Variants in MACROD2 observed in about 807,000 individuals in gnomAD.
The protein encoded by MACROD2 is ADP-ribose glycohydrolase MACROD2.
Under a neutral mutation model 70.4 loss-of-function variants are expected in MACROD2, and 36 were observed. The observed-to-expected ratio is 0.51, with a 90% CI of 0.39 to 0.68. The LOEUF is 0.68. MACROD2 is among the 30% of genes least tolerant of loss of function. The pLI, the probability that MACROD2 is intolerant of heterozygous loss-of-function variation, is 0.00. For missense variants in MACROD2, 496 were observed against 538.4 expected (o/e 0.92, Z 0.78); for synonymous variants, 172 against 178.8 (o/e 0.96, Z 0.30).
intron 5 of MACROD2, among the ~76,000 whole-genome samples, chr20:14,830,538 A>C (rs900457442): frequency 1.3e-4 from 20 of 152,172 alleles, no homozygotes; most frequent in Non-Finnish European, 2.2e-4. Flanking sequence ...TCAAACTGGA[A>C]GAAATATCTG....
intron 5 of MACROD2, among the ~76,000 whole-genome samples, chr20:15,179,624 G>A (rs746159254): frequency 1.6e-4 from 25 of 152,122 alleles, no homozygotes; most frequent in African/African-American, 3.9e-4. Context: ...AACAGCCTAC[G>A]GTGCATCCAG....
At chr20:14,402,489 TA>T (rs2122840284) in intron 3 of MACROD2, among the ~76,000 whole-genome samples, 1 of 152,140 alleles carries the variant, frequency 6.6e-6, no homozygotes, top group African/African-American at 2.4e-5. Context: ...GTTCACATCA[TA>T]GGGGAAATGT....
intron 5 of MACROD2, among the ~76,000 whole-genome samples, chr20:14,971,652 G>GA (rs2074692621): frequency 6.6e-6 from 1 of 151,896 alleles, no homozygotes; most frequent in Non-Finnish European, 1.5e-5. Context: ...TAGGCTGCTG[G>GA]GGCTTGAGTC....
At chr20:15,210,114 T>A (rs1390361212) in intron 5 of MACROD2, among the ~76,000 whole-genome samples, 2 of 152,234 alleles carry the variant, frequency 1.3e-5, no homozygotes, top group Non-Finnish European at 2.9e-5. Context: ...TCCACGTACA[T>A]TTTCACTGCT....
intron 3 of MACROD2, among the ~76,000 whole-genome samples, chr20:14,130,563 A>T (rs1239322816): frequency 6.6e-6 from 1 of 152,116 alleles, no homozygotes; most frequent in Non-Finnish European, 1.5e-5. Flanking sequence ...GAAAGAAAGA[A>T]AAAGAAAATA....
At chr20:14,828,144 A>G (rs754162078) in intron 5 of MACROD2, among the ~76,000 whole-genome samples, 3 of 152,090 alleles carry the variant, frequency 2.0e-5, no homozygotes, top group Non-Finnish European at 4.4e-5. Flanking sequence ...TTTCTTCTGT[A>G]TATGTATACA....
At chr20:15,018,009 T>C (rs2075134883) in intron 5 of MACROD2, among the ~76,000 whole-genome samples, 1 of 152,204 alleles carries the variant, frequency 6.6e-6, no homozygotes, top group Non-Finnish European at 1.5e-5. Context: ...GGAAATAATA[T>C]TAGGCTCCTT....
At chr20:15,397,891 A>G (rs1439942827) in intron 6 of MACROD2, among the ~76,000 whole-genome samples, 2 of 152,194 alleles carry the variant, frequency 1.3e-5, no homozygotes, top group Non-Finnish European at 2.9e-5. Flanking sequence ...GCAGAGAGAT[A>G]TTATATAAAC....
intron 8 of MACROD2, among the ~76,000 whole-genome samples, chr20:15,577,740 C>A (rs948637571): frequency 6.6e-6 from 1 of 152,140 alleles, no homozygotes; most frequent in African/African-American, 2.4e-5. Flanking sequence ...CTTATATCTG[C>A]AATACTTTTC....
At chr20:15,601,879 C>T (rs891800533) in intron 8 of MACROD2, among the ~76,000 whole-genome samples, 11 of 152,020 alleles carry the variant, frequency 7.2e-5, no homozygotes, top group African/African-American at 2.7e-4. Context: ...ATACAAAAAA[C>T]TAGCCGGGTG....
intron 5 of MACROD2, among the ~76,000 whole-genome samples, chr20:14,703,602 C>G (rs531927063): frequency 6.6e-6 from 1 of 152,174 alleles, no homozygotes; most frequent in African/African-American, 2.4e-5. Flanking sequence ...GTAATCCTAG[C>G]GACTAGGGAG....
intron 8 of MACROD2, among the ~76,000 whole-genome samples, chr20:15,765,993 G>T (rs1013105567): frequency 6.6e-6 from 1 of 152,194 alleles, no homozygotes; most frequent in Admixed American, 6.5e-5. Flanking sequence ...TCAGGGATGT[G>T]AGAAGAAGAA....
At chr20:14,198,318 G>C (rs1045168270) in intron 3 of MACROD2, among the ~76,000 whole-genome samples, 1 of 152,142 alleles carries the variant, frequency 6.6e-6, no homozygotes, top group Admixed American at 6.5e-5. Flanking sequence ...TTTTATAGGA[G>C]TAAACAATGG....
chr20:14,931,784 G>T (rs2074297835), intron 5 of MACROD2, among the ~76,000 whole-genome samples: 1 of 151,556 alleles, frequency 6.6e-6, no homozygotes, highest in East Asian at 1.9e-4. Context: ...GATCGCTTGA[G>T]GCTATGAGTT....
At chr20:14,280,614 G>A (rs2082299079) in intron 3 of MACROD2, among the ~76,000 whole-genome samples, 1 of 152,192 alleles carries the variant, frequency 6.6e-6, no homozygotes, top group Admixed American at 6.5e-5. Context: ...GGCACATTTA[G>A]CCCATTTAGG....
chr20:15,341,789 G>T (rs766542953), intron 6 of MACROD2, among the ~76,000 whole-genome samples: 5 of 152,180 alleles, frequency 3.3e-5, no homozygotes, highest in Non-Finnish European at 5.9e-5. Flanking sequence ...GGTGGCTCAT[G>T]CCTGTAATCC....
intron 3 of MACROD2, among the ~76,000 whole-genome samples, chr20:14,443,748 A>C (rs1012217942): frequency 6.6e-6 from 1 of 152,162 alleles, no homozygotes; most frequent in African/African-American, 2.4e-5. Flanking sequence ...CTGAATTTGA[A>C]TCATGGCTCT....
At chr20:14,386,915 A>C (rs1456543579) in intron 3 of MACROD2, among the ~76,000 whole-genome samples, 1 of 152,216 alleles carries the variant, frequency 6.6e-6, no homozygotes, top group Non-Finnish European at 1.5e-5. Flanking sequence ...CTTGGATGAC[A>C]TCACCAGGAG....
intron 5 of MACROD2, among the ~76,000 whole-genome samples, chr20:15,064,026 A>G (rs1454677375): frequency 6.6e-6 from 1 of 152,216 alleles, no homozygotes; most frequent in Non-Finnish European, 1.5e-5. Flanking sequence ...TGAGACTCAG[A>G]GAAGCTAAAG....
Sources: gnomAD v4.1 joint callset for allele counts (sites outside exome capture counted in the v4.1 genomes callset) on GRCh38, gnomAD v4.1.1 for gene constraint, MANE v1.5 for transcripts, NCBI Gene and HGNC (gene_info 2026-07-23, HGNC 2026-07-21) for gene names.